The following SCFD2 variants were observed in gnomAD, a reference collection of about 807,000 sequenced individuals.
SCFD2 encodes sec1 family domain containing 2, also known as sec1 family domain-containing protein 2.
A neutral mutation model predicts 58.9 loss-of-function variants in SCFD2; 54 were observed. The ratio of observed to expected loss-of-function variants is 0.92; its 90% CI spans 0.74 to 1.15. The LOEUF (loss-of-function observed/expected upper bound fraction) is 1.15, where lower values mean the gene tolerates loss of function less well. Ranked by LOEUF, SCFD2 falls within the 50% of genes most tolerant of loss-of-function variation. The pLI is 0.00. For missense variants in SCFD2, 805 were observed against 836.6 expected (o/e 0.96, Z 0.47); for synonymous variants, 321 against 335.9 (o/e 0.96, Z 0.49).
chr4:53,073,519 C>A (rs1399112600), intron 5 of SCFD2, among the ~76,000 whole-genome samples: 1 of 152,078 alleles, frequency 6.6e-6, no homozygotes, highest in Non-Finnish European at 1.5e-5. Context: ...ACCAAACATT[C>A]CAAGCCCTGT....
intron 5 of SCFD2, among the ~76,000 whole-genome samples, chr4:52,925,611 T>C (rs1719845853): frequency 6.6e-6 from 1 of 152,184 alleles, no homozygotes; most frequent in Non-Finnish European, 1.5e-5. Flanking sequence ...ATTCAGTTAC[T>C]TCTAATAAGC....
Position 53,046,615 on chromosome 4 carries a change from G to A in SCFD2, c.1561+98718C>T, listed in dbSNP as rs540704332. 1.6e-4 allele frequency among the ~76,000 whole-genome samples: 24 copies of A among 152,014 alleles called. No individual in the cohort carries two copies. The East Asian group carries it at 3.7e-3, about 23-fold the overall frequency. The stretch of plus-strand genomic sequence containing the variant: ...AAAATGTTGCAAAAGTAAGTAGAAA[G>A]TTCTGGTTCAATGGTACCTGACACT... On this transcript the variant is annotated intron_variant, in intron 5 of 8. Transcript: ENST00000401642.
At chr4:52,952,635 G>A (rs1479181266) in intron 5 of SCFD2, among the ~76,000 whole-genome samples, 1 of 152,104 alleles carries the variant, frequency 6.6e-6, no homozygotes, top group South Asian at 2.1e-4. Flanking sequence ...AATCACATAT[G>A]GGCAACATCT....
intron 5 of SCFD2, among the ~76,000 whole-genome samples, chr4:53,090,328 A>G (rs1225851060): frequency 6.6e-6 from 1 of 152,206 alleles, no homozygotes; most frequent in Non-Finnish European, 1.5e-5. Flanking sequence ...ATTTTTAGAA[A>G]TGCACATATT....
At chr4:53,320,848 A>C (rs894368826) in intron 2 of SCFD2, among the ~76,000 whole-genome samples, 5 of 152,200 alleles carry the variant, frequency 3.3e-5, no homozygotes, top group Admixed American at 6.5e-5. Context: ...AAATTAAACA[A>C]TTTCTTCCCT....
chr4:53,034,352 C>T (rs762386221), intron 5 of SCFD2, among the ~76,000 whole-genome samples: 14 of 152,104 alleles, frequency 9.2e-5, no homozygotes, highest in Non-Finnish European at 1.8e-4. Flanking sequence ...TTATGACAAA[C>T]CCACAACCAA....
At chr4:53,142,953 G>A (rs1343945723) in intron 5 of SCFD2, among the ~76,000 whole-genome samples, 8 of 152,114 alleles carry the variant, frequency 5.3e-5, no homozygotes, top group African/African-American at 1.7e-4. Flanking sequence ...GCTGTAGTGT[G>A]TACTTAGTAT....
intron 5 of SCFD2, among the ~76,000 whole-genome samples, chr4:53,010,434 T>A (rs148238148): frequency 6.6e-6 from 1 of 152,226 alleles, no homozygotes; most frequent in Admixed American, 6.5e-5. Flanking sequence ...GCAAACAGGT[T>A]TGTGCTTTTA....
intron 4 of SCFD2, among the ~76,000 whole-genome samples, chr4:53,157,316 A>G (rs747263803): frequency 5.3e-5 from 8 of 152,218 alleles, no homozygotes; most frequent in Non-Finnish European, 1.0e-4. Context: ...AAAAGGGTAC[A>G]AAAAGCTCAT....
chr4:53,225,202 G>A (rs1729167348), intron 4 of SCFD2, among the ~76,000 whole-genome samples: 1 of 152,052 alleles, frequency 6.6e-6, no homozygotes, highest in Non-Finnish European at 1.5e-5. Flanking sequence ...TTGCCAAAGT[G>A]CTTTGACAAA....
rs58361738 is a variant in SCFD2 at position 53,192,276 on chromosome 4, G to T, written c.1312-46694C>A. On this transcript the variant is annotated intron_variant, in intron 4 of 8. Transcript: ENST00000401642. ...TCTACTGCCTGCCTGGCCAGGGAAG[G>T]GTTGAAAGTCCTGCTGTATATAGTC... Among the ~76,000 whole-genome samples the T allele has an allele frequency of 8.5e-5, 13 of 152,256 alleles. No individual in the cohort carries two copies. The East Asian group carries it at 2.1e-3, about 25-fold the overall frequency.
chr4:53,180,496 A>T (rs1042777230), intron 4 of SCFD2, among the ~76,000 whole-genome samples: 10 of 152,198 alleles, frequency 6.6e-5, no homozygotes, highest in Admixed American at 6.5e-4. Context: ...GGACACATTC[A>T]AAGCAGTGTG....
intron 4 of SCFD2, among the ~76,000 whole-genome samples, chr4:53,250,920 C>A (rs1476057891): frequency 1.3e-5 from 2 of 152,072 alleles, no homozygotes; most frequent in Admixed American, 1.3e-4. Context: ...GAAATAGAGA[C>A]ACAAAAAACC....
At chr4:53,057,269 T>C (rs1175336717) in intron 5 of SCFD2, among the ~76,000 whole-genome samples, 1 of 151,982 alleles carries the variant, frequency 6.6e-6, no homozygotes. Context: ...CAAATGCCCA[T>C]CAATGATAGA....
chr4:53,326,532 G>A (rs1308100462), intron 2 of SCFD2, among the ~76,000 whole-genome samples: 2 of 152,070 alleles, frequency 1.3e-5, no homozygotes, highest in African/African-American at 4.8e-5. Context: ...AGTCTACTGT[G>A]AACATCATTA....
chr4:53,125,195 G>A (rs73143431), intron 5 of SCFD2, among the ~76,000 whole-genome samples: 1,758 of 152,230 alleles, frequency 0.012, 44 homozygotes, highest in African/African-American at 0.04. Flanking sequence ...GAGTTTTATA[G>A]GTAAGAATGG....
chr4:53,250,478 C>T (rs1462945959), intron 4 of SCFD2, among the ~76,000 whole-genome samples: 2 of 152,180 alleles, frequency 1.3e-5, no homozygotes, highest in Admixed American at 6.5e-5. Flanking sequence ...AACTCTCCAC[C>T]CCAAATCAAC....
chr4:53,041,352 CAG>C (rs1722894844), intron 5 of SCFD2, among the ~76,000 whole-genome samples: 1 of 152,180 alleles, frequency 6.6e-6, no homozygotes, highest in Admixed American at 6.5e-5. Flanking sequence ...TTACACTTAA[CAG>C]AGATTTACAA....
chr4:52,969,905 G>A (rs901124641), intron 5 of SCFD2, among the ~76,000 whole-genome samples: 8 of 152,168 alleles, frequency 5.3e-5, no homozygotes, highest in African/African-American at 1.9e-4. Flanking sequence ...AAGACAACAT[G>A]CAAAAATGAA....
Sources: gnomAD v4.1 joint callset for allele counts (sites outside exome capture counted in the v4.1 genomes callset) on GRCh38, gnomAD v4.1.1 for gene constraint, MANE v1.5 for transcripts, NCBI Gene and HGNC (gene_info 2026-07-23, HGNC 2026-07-21) for gene names.